CSMD1: variants seen among roughly 807,000 people sequenced by gnomAD.
The protein encoded by CSMD1 is CUB and Sushi multiple domains 1, also known as CUB and sushi domain-containing protein 1.
CSMD1 carries 213 observed loss-of-function variants against 417.5 expected under a neutral mutation model. The observed-to-expected ratio is 0.51, with a 90% CI of 0.46 to 0.57. The LOEUF (loss-of-function observed/expected upper bound fraction) is 0.57, where lower values mean the gene tolerates loss of function less well. Among genes scored for constraint, CSMD1 ranks in the 20% least tolerant of loss-of-function variants. The pLI is 0.00. For missense variants in CSMD1, 6,923 were observed against 4,529.7 expected, an observed-to-expected ratio of 1.53 and a Z score of -15.17; for synonymous variants, 2,862 against 1,736.8, an observed-to-expected ratio of 1.65 and a Z score of -16.11.
intron 3 of CSMD1, among the ~76,000 whole-genome samples, chr8:4,097,105 C>T (rs939714834): frequency 1.3e-5 from 2 of 152,100 alleles, no homozygotes; most frequent in Non-Finnish European, 2.9e-5. Flanking sequence ...CACGGCTGTG[C>T]CTTCCCCTCT....
At chr8:3,741,267 G>A (rs1306426823) in intron 6 of CSMD1, among the ~76,000 whole-genome samples, 5 of 148,210 alleles carry the variant, frequency 3.4e-5, no homozygotes, top group Admixed American at 2.7e-4. Flanking sequence ...GGTAGAGGAG[G>A]TATGACTCCA....
intron 5 of CSMD1, among the ~76,000 whole-genome samples, chr8:3,813,806 A>C (rs1253747067): frequency 2.0e-5 from 3 of 151,868 alleles, no homozygotes; most frequent in African/African-American, 7.3e-5. Context: ...TCTGTTACTG[A>C]AAAACTTAAA....
At chr8:4,682,774 G>T (rs1416762540) in intron 1 of CSMD1, among the ~76,000 whole-genome samples, 1 of 151,142 alleles carries the variant, frequency 6.6e-6, no homozygotes, top group East Asian at 1.9e-4. Context: ...AAATCCTTCA[G>T]TAAGTATATA....
intron 5 of CSMD1, among the ~76,000 whole-genome samples, chr8:3,864,425 A>G (rs1217167188): frequency 1.3e-5 from 2 of 152,200 alleles, no homozygotes; most frequent in African/African-American, 4.8e-5. Flanking sequence ...GCATGAGAAG[A>G]AAGGAATACA....
chr8:4,350,037 G>A (rs564892782), intron 3 of CSMD1, among the ~76,000 whole-genome samples: 1 of 152,184 alleles, frequency 6.6e-6, no homozygotes, highest in East Asian at 1.9e-4. Context: ...GACTAAAGAG[G>A]CTTAGTTTTA....
intron 2 of CSMD1, among the ~76,000 whole-genome samples, chr8:4,487,347 G>T (rs534352382): frequency 1.3e-5 from 2 of 152,092 alleles, no homozygotes; most frequent in Non-Finnish European, 2.9e-5. Context: ...CCCAGAGTGT[G>T]ATGTTCCCCT....
chr8:3,050,818 A>G (rs1272168832), intron 50 of CSMD1, among the ~76,000 whole-genome samples: 4 of 152,212 alleles, frequency 2.6e-5, no homozygotes, highest in Non-Finnish European at 5.9e-5. Context: ...TTAGTTTAAA[A>G]TTTTTAACAT....
At chr8:2,970,621 G>A (rs1271002647) in intron 57 of CSMD1, among the ~76,000 whole-genome samples, 1 of 152,132 alleles carries the variant, frequency 6.6e-6, no homozygotes. Context: ...TACTGCCGAT[G>A]AGTGATCTTT....
At chr8:3,438,748 G>A (rs947400567) in intron 12 of CSMD1, among the ~76,000 whole-genome samples, 1 of 152,084 alleles carries the variant, frequency 6.6e-6, no homozygotes, top group Admixed American at 6.6e-5. Context: ...GTGAACAGAA[G>A]CCTTCACTTC....
intron 5 of CSMD1, among the ~76,000 whole-genome samples, chr8:3,898,992 G>T (rs1470528898): frequency 2.0e-5 from 3 of 152,128 alleles, no homozygotes; most frequent in Non-Finnish European, 4.4e-5. Flanking sequence ...ACATATTTCA[G>T]TGCTAAAATA....
intron 3 of CSMD1, among the ~76,000 whole-genome samples, chr8:4,370,148 ATTACC>A (rs1802315233): frequency 6.6e-6 from 1 of 151,776 alleles, no homozygotes; most frequent in Admixed American, 6.6e-5. Flanking sequence ...GTTTCAACAA[ATTACC>A]TTAGCTTTGG....
intron 3 of CSMD1, among the ~76,000 whole-genome samples, chr8:4,370,591 C>T (rs1161469933): frequency 1.3e-5 from 2 of 152,132 alleles, no homozygotes; most frequent in African/African-American, 2.4e-5. Flanking sequence ...TGTTTGGTCT[C>T]TTTGCATAAT....
At chr8:3,916,863 C>G (rs965243937) in intron 5 of CSMD1, among the ~76,000 whole-genome samples, 3 of 151,640 alleles carry the variant, frequency 2.0e-5, no homozygotes, top group Non-Finnish European at 4.4e-5. Flanking sequence ...AGGACTTGCA[C>G]CAAATAAAAG....
intron 3 of CSMD1, among the ~76,000 whole-genome samples, chr8:4,170,948 T>A (rs1045243913): frequency 6.6e-6 from 1 of 152,040 alleles, no homozygotes; most frequent in African/African-American, 2.4e-5. Flanking sequence ...GTTACGCAAA[T>A]GTCATTATCC....
intron 1 of CSMD1, among the ~76,000 whole-genome samples, chr8:4,876,546 G>C (rs769387893): frequency 2.0e-5 from 3 of 152,046 alleles, no homozygotes; most frequent in African/African-American, 7.3e-5. Context: ...ACATTTCAAT[G>C]CTTTCTCAAT....
intron 1 of CSMD1, among the ~76,000 whole-genome samples, chr8:4,782,880 T>C (rs745946705): frequency 3.3e-5 from 5 of 151,976 alleles, no homozygotes; most frequent in Admixed American, 2.0e-4. Flanking sequence ...AGCTTTATGA[T>C]GTACATGTTT....
intron 6 of CSMD1, among the ~76,000 whole-genome samples, chr8:3,709,680 G>GTTTTTTCTTTTTTTTTTTTTTTTTTT (rs1801387923): frequency 3.0e-5 from 1 of 33,694 alleles, no homozygotes; most frequent in Non-Finnish European, 5.7e-5. Flanking sequence ...GCAGCAGCAT[G>GTTTTTTCTTTTTTTTTTTTTTTTTTT]TTTTTTTTTT....
chr8:4,376,910 C>A (rs1216003797), intron 3 of CSMD1, among the ~76,000 whole-genome samples: 1 of 152,190 alleles, frequency 6.6e-6, no homozygotes, highest in Non-Finnish European at 1.5e-5. Flanking sequence ...GGACACACTA[C>A]TGTACTGCAA....
intron 10 of CSMD1, among the ~76,000 whole-genome samples, chr8:3,524,348 C>G (rs996782090): frequency 6.6e-6 from 1 of 151,536 alleles, no homozygotes; most frequent in Non-Finnish European, 1.5e-5. Context: ...CATGCACACC[C>G]AGAAAGACAG....
Sources: allele counts gnomAD v4.1 joint callset (sites outside exome capture counted in the v4.1 genomes callset), GRCh38; gene constraint gnomAD v4.1.1; transcripts MANE v1.5; gene names NCBI Gene and HGNC (gene_info 2026-07-23, HGNC 2026-07-21).